The following MICU1 variants were observed in gnomAD, a reference collection of about 807,000 sequenced individuals.
The protein encoded by MICU1 is calcium uptake protein 1, mitochondrial.
A neutral mutation model predicts 56.8 loss-of-function variants in MICU1; 45 were observed. The observed-to-expected ratio is 0.79, with a 90% CI of 0.62 to 1.02. The LOEUF is 1.02. Ranked by LOEUF, MICU1 falls within the 50% of genes least tolerant of loss-of-function variation. The pLI is 0.00. For synonymous variants in MICU1, 186 were observed against 195.1 expected (o/e 0.95, Z 0.39); for missense variants, 504 against 587.1 (o/e 0.86, Z 1.46).
intron 7 of MICU1, chr10:72,475,737 T>C (rs1292013039): frequency 9.5e-6 from 4 of 418,860 alleles, no homozygotes; most frequent in Admixed American, 2.8e-5. Context: ...CCTACAATAA[T>C]CTTATAGGTG....
intron 1 of MICU1, among the ~76,000 whole-genome samples, chr10:72,613,369 G>C (rs1313915462): frequency 2.6e-5 from 4 of 150,994 alleles, no homozygotes; most frequent in African/African-American, 7.3e-5. Flanking sequence ...AAACGCCTAG[G>C]TTTAAGTAGT....
At chr10:72,473,596 C>T (rs1215865081) in intron 8 of MICU1, among the ~76,000 whole-genome samples, 3 of 152,000 alleles carry the variant, frequency 2.0e-5, no homozygotes, top group African/African-American at 7.2e-5. Context: ...TAGACTGGGA[C>T]CATTTAGACA....
intron 9 of MICU1, among the ~76,000 whole-genome samples, chr10:72,411,720 A>G (rs1863821902): frequency 6.6e-6 from 1 of 152,116 alleles, no homozygotes; most frequent in Non-Finnish European, 1.5e-5. Flanking sequence ...TAAAACAGTT[A>G]GGGCATGGTA....
intron 10 of MICU1, among the ~76,000 whole-genome samples, chr10:72,391,482 A>G (rs1016972103): frequency 2.0e-5 from 3 of 152,118 alleles, no homozygotes; most frequent in South Asian, 2.1e-4. Context: ...AAAGAAAACC[A>G]GTAGAAAGTA....
chr10:72,529,095 T>C (rs1053145773), intron 5 of MICU1, among the ~76,000 whole-genome samples: 1 of 152,238 alleles, frequency 6.6e-6, no homozygotes, highest in East Asian at 1.9e-4. Flanking sequence ...TAAATGTGGA[T>C]AATATTTCAT....
chr10:72,562,496 C>T (rs907621386), intron 3 of MICU1, among the ~76,000 whole-genome samples: 1 of 152,182 alleles, frequency 6.6e-6, no homozygotes. Context: ...TTTGTGCTGT[C>T]CTCAAAGTTA....
intron 10 of MICU1, among the ~76,000 whole-genome samples, chr10:72,404,778 A>C (rs971301471): frequency 3.9e-5 from 6 of 152,376 alleles, no homozygotes; most frequent in Middle Eastern, 6.8e-3. Flanking sequence ...CCTTTTCAGA[A>C]AGAAATTGGC....
chr10:72,595,125 C>CT (rs1841340222), intron 1 of MICU1, among the ~76,000 whole-genome samples: 1 of 151,362 alleles, frequency 6.6e-6, no homozygotes, highest in Non-Finnish European at 1.5e-5. Flanking sequence ...GAATAGAGAC[C>CT]TAGTGGGAGA....
At chr10:72,609,374 G>A (rs559269603) in intron 1 of MICU1, among the ~76,000 whole-genome samples, 1 of 152,272 alleles carries the variant, frequency 6.6e-6, no homozygotes, top group South Asian at 2.1e-4. Flanking sequence ...GCATGATGGT[G>A]CACATCTATA....
Position 72,614,164 on chromosome 10 carries a change from A to G in MICU1, c.-2+11846T>C, listed in dbSNP as rs1449605154. ...ATCCCCAAAAATAAAACAAAAACAC[A>G]TAATATAAAATGTACCCATACTCAT... On this transcript the variant is annotated intron_variant, in intron 1 of 11. Coordinates refer to ENST00000361114, the MANE Select transcript of MICU1 (RefSeq NM_001195518.2). Among the ~76,000 whole-genome samples the G allele has an allele frequency of 5.9e-5, 9 of 152,242 alleles. No individual in the cohort carries two copies. In the East Asian group the frequency reaches 1.5e-3, roughly 26 times the overall value.
chr10:72,576,106 C>T (rs1475467714), intron 1 of MICU1, among the ~76,000 whole-genome samples: 7 of 150,688 alleles, frequency 4.6e-5, no homozygotes, highest in Admixed American at 2.7e-4. Flanking sequence ...CCCAGCTATT[C>T]GGGAGGCTGA....
chr10:72,468,176 T>A (rs1174808209), intron 8 of MICU1, among the ~76,000 whole-genome samples: 1 of 152,108 alleles, frequency 6.6e-6, no homozygotes, highest in East Asian at 1.9e-4. Context: ...AGCACGTGAA[T>A]CCCAGCTTAT....
At position 72,503,839 on chromosome 10, in the gene MICU1, T is replaced by C. The variant is rs1867154950; in HGVS notation, c.652+4316A>G. On this transcript the variant is annotated intron_variant, in intron 6 of 11. Coordinates refer to ENST00000361114, the MANE Select transcript of MICU1 (RefSeq NM_001195518.2). ...AATAACTTTCAAGCTGAGAGCCAAA[T>C]CAAGAACTCAATTCCATTTACAATA... 2.0e-5 allele frequency among the ~76,000 whole-genome samples: 3 copies of C among 148,976 alleles called. No individual in the cohort carries two copies. In the Admixed American group the frequency reaches 2.0e-4, roughly 10 times the overall value.
At chr10:72,619,843 T>C (rs3000965) in intron 1 of MICU1, among the ~76,000 whole-genome samples, 88,232 of 151,282 alleles carry the variant, frequency 0.58, 26,945 homozygotes, top group Non-Finnish European at 0.67. Flanking sequence ...CAAATAGCCA[T>C]GTAAAGGCAT....
intron 1 of MICU1, among the ~76,000 whole-genome samples, chr10:72,580,459 T>C (rs1840867471): frequency 7.7e-6 from 1 of 129,356 alleles, no homozygotes; most frequent in Non-Finnish European, 1.7e-5. Context: ...ATTTATTTAT[T>C]TATTTAATTA....
chr10:72,552,355 C>T (rs911266289), intron 3 of MICU1, among the ~76,000 whole-genome samples: 1 of 152,038 alleles, frequency 6.6e-6, no homozygotes, highest in Non-Finnish European at 1.5e-5. Context: ...AAATACTACA[C>T]CAGCCACATA....
intron 8 of MICU1, among the ~76,000 whole-genome samples, chr10:72,448,193 A>ATTT (rs71018289): frequency 0.26 from 9,781 of 36,994 alleles, 3,332 homozygotes; most frequent in Middle Eastern, 0.38. Context: ...ATATATATAT[A>ATTT]TTTTTTTTTT....
In MICU1 at chr10:72,477,421, C is replaced by T; in HGVS notation, c.653-165G>A. Reference sequence around the variant, plus strand: ...AAAATGAAACTGCATTTATTGAGATCACCCTTTTAGGAATACTCCTTGAAA... The same window carrying T: ...AAAATGAAACTGCATTTATTGAGATTACCCTTTTAGGAATACTCCTTGAAA... On this transcript the variant is annotated intron_variant, in intron 6 of 11. Coordinates refer to ENST00000361114, the MANE Select transcript of MICU1 (RefSeq NM_001195518.2). The T allele has an allele frequency of 2.3e-6, 3 of 1,289,322 alleles. No homozygotes were observed. The South Asian group carries it at 4.0e-5, about 17-fold the overall frequency. 79.9% of individuals were successfully genotyped at this position (1,289,322 alleles called of 1,614,324 possible).
intron 10 of MICU1, among the ~76,000 whole-genome samples, chr10:72,396,829 G>C (rs1034335582): frequency 6.6e-6 from 1 of 152,162 alleles, no homozygotes; most frequent in East Asian, 1.9e-4. Context: ...TGAAAGTGAT[G>C]GGGAGAATGG....
Sources: allele counts gnomAD v4.1 joint callset (sites outside exome capture counted in the v4.1 genomes callset), GRCh38; gene constraint gnomAD v4.1.1; transcripts MANE v1.5; gene names NCBI Gene and HGNC (gene_info 2026-07-23, HGNC 2026-07-21).